Variants in CENPH observed in about 807,000 individuals in gnomAD.
CENPH encodes the protein centromere protein H, also known as CENP-H.
A neutral mutation model predicts 42.9 loss-of-function variants in CENPH; 40 were observed. That is an observed-to-expected ratio of 0.93 (90% confidence interval 0.72 to 1.21). CENPH has a LOEUF of 1.21. CENPH is among the 50% of genes most tolerant of loss of function. CENPH has a pLI of 0.00. For synonymous variants in CENPH, 88 were observed against 96.5 expected, an observed-to-expected ratio of 0.91 and a Z score of 0.52; for missense variants, 302 against 292.9, an observed-to-expected ratio of 1.03 and a Z score of -0.23.
intron 5 of CENPH, among the ~76,000 whole-genome samples, chr5:69,201,360 T>C (rs768576827): frequency 6.6e-6 from 1 of 152,230 alleles, no homozygotes; most frequent in Non-Finnish European, 1.5e-5. Context: ...TGTGGATTTA[T>C]TTTTCTCCAC....
At chr5:69,194,619 G>T in intron 2 of CENPH, 28 bp from the exon 3 acceptor site, 1 of 1,430,520 alleles carries the variant, frequency 7.0e-7, no homozygotes, top group South Asian at 1.2e-5. Flanking sequence ...TAAAATGTTA[G>T]TAACTTCAAA....
chr5:69,208,124 T>C, intron 7 of CENPH, 72 bp from the exon 8 acceptor site: 1 of 774,882 alleles, frequency 1.3e-6, no homozygotes, highest in Admixed American at 3.1e-5. Context: ...AGTGATCTGC[T>C]TCATAATTTT....
intron 5 of CENPH, among the ~76,000 whole-genome samples, chr5:69,198,948 CAAA>C: frequency 6.8e-6 from 1 of 147,166 alleles, no homozygotes; most frequent in Admixed American, 6.8e-5. Flanking sequence ...ATCTCAAAAA[CAAA>C]AAAAAAAAAG....
chr5:69,191,592 T>C (rs537938712), intron 1 of CENPH, among the ~76,000 whole-genome samples: 1 of 152,336 alleles, frequency 6.6e-6, no homozygotes, highest in East Asian at 1.9e-4. Flanking sequence ...CCATTTTGTG[T>C]CTTCCTCTGA....
intron 1 of CENPH, 73 bp downstream of exon 1, chr5:69,189,841 G>C (rs1318112073): frequency 7.1e-7 from 1 of 1,402,820 alleles, no homozygotes; most frequent in Non-Finnish European, 9.3e-7. Context: ...TGCTCAGAAG[G>C]GCTAGGGTTC....
At chr5:69,199,740 G>C (rs770246516) in intron 5 of CENPH, among the ~76,000 whole-genome samples, 45 of 152,266 alleles carry the variant, frequency 3.0e-4, no homozygotes, top group Non-Finnish European at 5.7e-4. Context: ...GGGAGGGTCA[G>C]TTTCTATGTT....
At chr5:69,191,758 A>G in intron 1 of CENPH, 37 bp from the exon 2 acceptor site, 1 of 1,308,500 alleles carries the variant, frequency 7.6e-7, no homozygotes, top group South Asian at 1.2e-5. Context: ...CTTAATCAAT[A>G]AATATGTGAC....
intron 5 of CENPH, among the ~76,000 whole-genome samples, chr5:69,198,897 A>G (rs952662707): frequency 1.3e-5 from 2 of 152,064 alleles, no homozygotes; most frequent in African/African-American, 4.8e-5. Flanking sequence ...GTAAGCTGTG[A>G]TCTTGCCACA....
intron 1 of CENPH, 54 bp downstream of exon 1, chr5:69,189,822 C>T: frequency 7.1e-7 from 1 of 1,417,160 alleles, no homozygotes; most frequent in South Asian, 1.5e-5. Context: ...TGGCCCGGAA[C>T]TCCGCCCTTG....
At chr5:69,194,831 C>T (rs375576360) in intron 3 of CENPH, 136 bp downstream of exon 3, 2 of 501,934 alleles carry the variant, frequency 4.0e-6, no homozygotes, top group Middle Eastern at 5.6e-4. Context: ...ATTGAAGCCA[C>T]AACCTCCTGG....
intron 5 of CENPH, among the ~76,000 whole-genome samples, chr5:69,198,789 G>C (rs1056000894): frequency 6.6e-6 from 1 of 151,962 alleles, no homozygotes; most frequent in Admixed American, 6.6e-5. Flanking sequence ...TTAAAAATTA[G>C]CCAGGCATGG....
chr5:69,199,248 A>T (rs1298863285), intron 5 of CENPH, among the ~76,000 whole-genome samples: 1 of 152,086 alleles, frequency 6.6e-6, no homozygotes, highest in African/African-American at 2.4e-5. Flanking sequence ...GCGTGATCCT[A>T]GCTCACTACC....
At chr5:69,203,074 C>A (rs1748083678) in intron 7 of CENPH, 104 bp downstream of exon 7, 6 of 770,338 alleles carry the variant, frequency 7.8e-6, no homozygotes, top group East Asian at 2.8e-5. Context: ...TTCCGACTTC[C>A]AAAATTCCTT....
At chr5:69,209,289 A>G in intron 8 of CENPH, among the ~76,000 whole-genome samples, 1 of 151,986 alleles carries the variant, frequency 6.6e-6, no homozygotes, top group South Asian at 2.1e-4. Flanking sequence ...TTGGGAGGCC[A>G]AGGCGGGTGG....
At chr5:69,203,368 T>C (rs1748089555) in intron 7 of CENPH, among the ~76,000 whole-genome samples, 1 of 138,784 alleles carries the variant, frequency 7.2e-6, no homozygotes, top group Admixed American at 7.3e-5. Context: ...AATTTTTTAA[T>C]ATGGTATTTT....
At chr5:69,193,163 GTATA>G (rs996568045) in intron 2 of CENPH, among the ~76,000 whole-genome samples, 3 of 150,308 alleles carry the variant, frequency 2.0e-5, no homozygotes, top group South Asian at 2.1e-4. Flanking sequence ...GTATATATAT[GTATA>G]TATATGTGTG....
intron 3 of CENPH, among the ~76,000 whole-genome samples, chr5:69,195,276 G>A (rs906255354): frequency 1.3e-5 from 2 of 152,082 alleles, no homozygotes; most frequent in Non-Finnish European, 2.9e-5. Context: ...TTGTTGCCCA[G>A]GCTGTTCTCA....
At chr5:69,196,363 G>A (rs533383125) in intron 4 of CENPH, among the ~76,000 whole-genome samples, 2 of 152,326 alleles carry the variant, frequency 1.3e-5, no homozygotes, top group South Asian at 4.1e-4. Flanking sequence ...CACCTAACCT[G>A]GCTGGGCGCG....
intron 7 of CENPH, among the ~76,000 whole-genome samples, chr5:69,205,795 A>G (rs1008359647): frequency 1.6e-5 from 2 of 122,286 alleles, no homozygotes; most frequent in Non-Finnish European, 3.2e-5. Flanking sequence ...TGCAAGCTCC[A>G]CCTCCCGGGT....
Sources: allele counts gnomAD v4.1 joint callset (sites outside exome capture counted in the v4.1 genomes callset), GRCh38; gene constraint gnomAD v4.1.1; transcripts MANE v1.5; gene names NCBI Gene and HGNC (gene_info 2026-07-23, HGNC 2026-07-21).